The following TTLL5 variants were observed in gnomAD, a reference collection of about 807,000 sequenced individuals.
The protein encoded by TTLL5 is tubulin tyrosine ligase like 5.
In TTLL5, 132 loss-of-function variants were observed where a neutral mutation model predicts 168.4. The ratio of observed to expected loss-of-function variants is 0.78; its 90% CI spans 0.68 to 0.91. The LOEUF is 0.91. Among genes scored for constraint, TTLL5 ranks in the 40% least tolerant of loss-of-function variants. TTLL5 has a pLI of 0.00. For synonymous variants in TTLL5, 546 were observed against 558.6 expected (o/e 0.98, Z 0.32); for missense variants, 1,545 against 1,581.5 (o/e 0.98, Z 0.39).
At position 75,737,944 on chromosome 14, in the gene TTLL5, C is replaced by G. The variant is rs553723467; in HGVS notation, c.1281+2655C>G. ...AATTTTCCAGTTCACAAATGAACTT[C>G]AATTTTTTTTTTCAGACATCTTATG... On this transcript the variant is annotated intron_variant, in intron 15 of 31. Coordinates refer to ENST00000298832, the MANE Select transcript of TTLL5 (RefSeq NM_015072.5). Among the ~76,000 whole-genome samples the G allele has an allele frequency of 2.6e-5, 4 of 151,952 alleles. No homozygotes were observed. The East Asian group carries it at 7.8e-4, about 29-fold the overall frequency.
chr14:75,898,229 A>G (rs978828549), intron 30 of TTLL5, among the ~76,000 whole-genome samples: 5 of 152,226 alleles, frequency 3.3e-5, no homozygotes, highest in South Asian at 2.1e-4. Context: ...GCTGATTCCA[A>G]TTGATTTTAC....
Position 75,775,464 on chromosome 14 carries a change from C to T in TTLL5, c.2137-20C>T, listed in dbSNP as rs770345664. ...CACCATCCCTCCTTTTTTTTTCTCC[C>T]ACGACTCTTTAATTTATAGGAGCTG... On this transcript the variant is annotated intron_variant, in intron 21 of 31. Coordinates refer to ENST00000298832, the MANE Select transcript of TTLL5 (RefSeq NM_015072.5). 1.9e-5 allele frequency: 31 copies of T among 1,602,880 alleles called. No homozygotes were observed. Among genetic ancestry groups the T allele is most frequent in the Non-Finnish European group, 2.6e-5 (31 of 1,176,200 alleles).
intron 12 of TTLL5, among the ~76,000 whole-genome samples, chr14:75,729,333 T>TA (rs1888386119): frequency 6.6e-6 from 1 of 152,180 alleles, no homozygotes; most frequent in Non-Finnish European, 1.5e-5. Context: ...AAATTCTCGT[T>TA]ACTGCTGCCA....
chr14:75,952,602 A>G (rs2034995353), intron 31 of TTLL5, among the ~76,000 whole-genome samples: 1 of 152,250 alleles, frequency 6.6e-6, no homozygotes, highest in Non-Finnish European at 1.5e-5. Context: ...AGAGGTAGAA[A>G]CAACCCAAAT....
intron 26 of TTLL5, among the ~76,000 whole-genome samples, chr14:75,784,535 T>C (rs572075555): frequency 2.0e-5 from 3 of 152,358 alleles, no homozygotes; most frequent in African/African-American, 7.2e-5. Flanking sequence ...TTATGAATAA[T>C]GCTGCTATGA....
At chr14:75,661,423 G>C (rs1027780396) in intron 1 of TTLL5, 36 bp downstream of exon 1, 3 of 152,354 alleles carry the variant, frequency 2.0e-5, no homozygotes, top group African/African-American at 7.2e-5. Flanking sequence ...CCTACCCTAG[G>C]GAGGAGCATT....
At chr14:75,862,888 G>A (rs937459378) in intron 28 of TTLL5, among the ~76,000 whole-genome samples, 15 of 152,104 alleles carry the variant, frequency 9.9e-5, no homozygotes, top group East Asian at 3.9e-4. Context: ...TTGAGGCTAC[G>A]GTGAGCTGTG....
At chr14:75,925,539 T>C (rs75676780) in intron 31 of TTLL5, among the ~76,000 whole-genome samples, 119,645 of 148,956 alleles carry the variant, frequency 0.8, 48,200 homozygotes, top group African/African-American at 0.87. Flanking sequence ...GGATGGCGGC[T>C]GGGCAGAGAC....
Position 75,882,613 on chromosome 14 carries a change from G to A in TTLL5, c.3523-72G>A, listed in dbSNP as rs1595200738. 3.7e-6 allele frequency: 5 copies of A among 1,352,232 alleles called. No homozygotes were observed. The East Asian group carries it at 7.0e-5, about 19-fold the overall frequency. 83.8% of individuals were successfully genotyped at this position (1,352,232 alleles called of 1,614,324 possible). On this transcript the variant is annotated intron_variant, in intron 29 of 31. Transcript: ENST00000298832. The stretch of plus-strand genomic sequence containing the variant: ...CTTTTTGCCCCTTGACAGGATTACA[G>A]ACTAGTTACATACAGTAAATGGGTT...
chr14:75,951,631 ACATGCCTGTGGTCC>A (rs1334071824), intron 31 of TTLL5, among the ~76,000 whole-genome samples: 1 of 152,058 alleles, frequency 6.6e-6, no homozygotes, highest in Non-Finnish European at 1.5e-5. Flanking sequence ...GCATGGTGGT[ACATGCCTGTGGTCC>A]CAGCTACTCA....
At chr14:75,770,632 A>C (rs560069608) in intron 20 of TTLL5, among the ~76,000 whole-genome samples, 141 of 152,348 alleles carry the variant, frequency 9.3e-4, no homozygotes, top group Non-Finnish European at 1.9e-3. Context: ...GGTGAAAATC[A>C]TCAGTGTCTC....
At chr14:75,796,506 T>C (rs1893004822) in intron 27 of TTLL5, among the ~76,000 whole-genome samples, 2 of 152,224 alleles carry the variant, frequency 1.3e-5, no homozygotes, top group African/African-American at 4.8e-5. Context: ...CCTAAGCCAG[T>C]GTCTAGAAGG....
chr14:75,747,693 T>C (rs1456674575), intron 17 of TTLL5, among the ~76,000 whole-genome samples: 3 of 152,182 alleles, frequency 2.0e-5, no homozygotes. Context: ...TCTGTTAAAT[T>C]ACCTCCACGT....
chr14:75,803,694 C>G (rs1893474937), intron 27 of TTLL5, among the ~76,000 whole-genome samples: 2 of 152,106 alleles, frequency 1.3e-5, no homozygotes, highest in African/African-American at 4.8e-5. Context: ...CATCTTGCAC[C>G]TGGGCTGGGG....
chr14:75,824,439 G>T (rs998226952), intron 28 of TTLL5, among the ~76,000 whole-genome samples: 13 of 152,160 alleles, frequency 8.5e-5, no homozygotes, highest in Non-Finnish European at 1.5e-5. Flanking sequence ...GTCCTGTCCC[G>T]GATGAACCTT....
chr14:75,859,455 A>G (rs1420948896), intron 28 of TTLL5, among the ~76,000 whole-genome samples: 1 of 152,236 alleles, frequency 6.6e-6, no homozygotes, highest in Non-Finnish European at 1.5e-5. Context: ...TAAAGGGGAA[A>G]TACAGCCTAA....
At chr14:75,925,458 G>T (rs941159476) in intron 31 of TTLL5, among the ~76,000 whole-genome samples, 2 of 51,904 alleles carry the variant, frequency 3.9e-5, no homozygotes, top group East Asian at 6.5e-4. Context: ...AGACGGGGCG[G>T]CGGGGCAGAG....
intron 9 of TTLL5, chr14:75,710,284 A>G (rs1205285780): frequency 6.6e-6 from 1 of 152,162 alleles, no homozygotes; most frequent in Non-Finnish European, 1.5e-5. Flanking sequence ...ACCAATGTTT[A>G]TTATAGAATT....
rs137939592 is a variant in TTLL5 at position 75,790,355 on chromosome 14, A to G, written c.2987-2561A>G. Among the ~76,000 whole-genome samples the G allele has an allele frequency of 5.1e-3, 770 of 152,330 alleles. 2 individuals are homozygous for G. The highest frequency in any genetic ancestry group is 0.01 in the Middle Eastern group (3 of 294). On this transcript the variant is annotated intron_variant, in intron 26 of 31. Transcript: ENST00000298832. ...AAAATGATACCAGAAAAGAGGTAGCATGTTCAACATCATCATTAATCAGGT... is the reference window on the plus strand; with the variant it reads ...AAAATGATACCAGAAAAGAGGTAGCGTGTTCAACATCATCATTAATCAGGT...
Sources: gnomAD v4.1 joint callset for allele counts (sites outside exome capture counted in the v4.1 genomes callset) on GRCh38, gnomAD v4.1.1 for gene constraint, MANE v1.5 for transcripts, NCBI Gene and HGNC (gene_info 2026-07-23, HGNC 2026-07-21) for gene names.